Variants in SEMA3C observed in about 807,000 individuals in gnomAD.
SEMA3C encodes the protein semaphorin 3C, also known as semaphorin-3C.
Under a neutral mutation model 89.4 loss-of-function variants are expected in SEMA3C, and 47 were observed. The ratio of observed to expected loss-of-function variants is 0.53; its 90% CI spans 0.42 to 0.67. The LOEUF is 0.67. SEMA3C is among the 30% of genes least tolerant of loss of function. The probability of loss-of-function intolerance (pLI) is 0.00; values close to 1 mark genes in which losing one functional copy is unlikely to be tolerated. For synonymous variants in SEMA3C, 310 were observed against 320.2 expected (o/e 0.97, Z 0.34); for missense variants, 839 against 929.1 (o/e 0.90, Z 1.26).
At chr7:80,882,748 T>G (rs1791376603) in intron 2 of SEMA3C, among the ~76,000 whole-genome samples, 1 of 152,074 alleles carries the variant, frequency 6.6e-6, no homozygotes, top group Non-Finnish European at 1.5e-5. Context: ...ATTCTTTTTC[T>G]TTTCTTTTTG....
intron 2 of SEMA3C, among the ~76,000 whole-genome samples, chr7:80,880,277 T>C (rs930025938): frequency 1.3e-5 from 2 of 152,208 alleles, no homozygotes; most frequent in African/African-American, 4.8e-5. Flanking sequence ...CCACAGTACC[T>C]ATCATTGTTT....
chr7:80,765,128 TGAGATTAATAGAA>T lies in SEMA3C; in HGVS notation c.1443+14_1443+26del, dbSNP rs761646831. 7 of 1,514,278 alleles carry T rather than the reference TGAGATTAATAGAA, an allele frequency of 4.6e-6. No individual in the cohort carries two copies. The highest frequency in any genetic ancestry group is 5.5e-6 in the Non-Finnish European group (6 of 1,094,456). 93.8% of individuals were successfully genotyped at this position (1,514,278 alleles called of 1,614,324 possible). A position where few individuals can be genotyped will look rare whatever the true frequency, so the allele number is the denominator to read the frequency against. On this transcript the variant is annotated intron_variant, in intron 13 of 17. Transcript: ENST00000265361. ...AGAATTCCACTCATCATGCATGTTC[TGAGATTAATAGAA>T]GAGATGTTCAAACCTTAAAGACTTC... is the stretch of plus-strand genomic sequence containing the variant.
chr7:80,824,918 GTA>G (rs1242642793), intron 4 of SEMA3C, among the ~76,000 whole-genome samples: 1 of 152,128 alleles, frequency 6.6e-6, no homozygotes, highest in East Asian at 1.9e-4. Context: ...GAATATCAGT[GTA>G]TATATGTCTC....
chr7:80,902,455 G>A (rs965289859), intron 2 of SEMA3C, among the ~76,000 whole-genome samples: 34 of 152,108 alleles, frequency 2.2e-4, no homozygotes, highest in Admixed American at 5.9e-4. Context: ...ATGTTTATAA[G>A]CAAATGAAAG....
rs1197061617 is a variant in SEMA3C at position 80,743,438 on chromosome 7, G to C, written c.*1456C>G. 6.6e-6 allele frequency: 1 copy of C among 151,616 alleles called. No homozygotes were observed. Among genetic ancestry groups the C allele is most frequent in the East Asian group, 1.9e-4 (1 of 5,186 alleles). 9.4% of individuals were successfully genotyped at this position (151,616 alleles called of 1,614,324 possible). ...ATCTACTTTAATTACCTTCATCATA[G>C]ATTATTAACTATAAATAAAATGTTT... is the stretch of plus-strand genomic sequence containing the variant. On this transcript the variant is annotated 3_prime_UTR_variant, in exon 18 of 18. Transcript: ENST00000265361.
intron 15 of SEMA3C, among the ~76,000 whole-genome samples, chr7:80,753,944 G>C (rs573357548): frequency 6.6e-6 from 1 of 152,020 alleles, no homozygotes; most frequent in Non-Finnish European, 1.5e-5. Context: ...TTGTTTGTTT[G>C]TTTGTTTTTT....
intron 5 of SEMA3C, among the ~76,000 whole-genome samples, chr7:80,811,352 A>G (rs1789464895): frequency 6.6e-6 from 1 of 152,172 alleles, no homozygotes; most frequent in African/African-American, 2.4e-5. Flanking sequence ...AATAATTAAA[A>G]TATGGAAATA....
chr7:80,811,942 CTTG>C (rs1345208169), intron 5 of SEMA3C, among the ~76,000 whole-genome samples: 3 of 152,236 alleles, frequency 2.0e-5, no homozygotes, highest in South Asian at 2.1e-4. Flanking sequence ...TTTCATTGTA[CTTG>C]TTGTCCTTTT....
chr7:80,799,257 C>T (rs1183084438), intron 10 of SEMA3C, among the ~76,000 whole-genome samples: 2 of 151,922 alleles, frequency 1.3e-5, no homozygotes, highest in Non-Finnish European at 2.9e-5. Flanking sequence ...TAGCTCATTG[C>T]AGTTTACAAT....
chr7:80,825,484 A>G (rs1391156800), intron 4 of SEMA3C, among the ~76,000 whole-genome samples: 1 of 152,188 alleles, frequency 6.6e-6, no homozygotes, highest in Non-Finnish European at 1.5e-5. Flanking sequence ...CATGTATTGA[A>G]GATTTTTATC....
chr7:80,749,042 A>G lies in SEMA3C; in HGVS notation c.1712-14T>C. The G allele has an allele frequency of 6.3e-7, 1 of 1,590,100 alleles. No homozygotes were observed. ...CATTTCTGTATGCTAGCAGGCAAAA[A>G]TAAAAGGCGAGAGAGAAAGAAAGAA... On this transcript the variant is annotated splice_polypyrimidine_tract_variant and intron_variant, in intron 16 of 17. Coordinates refer to ENST00000265361, the MANE Select transcript of SEMA3C (RefSeq NM_006379.5).
chr7:80,806,028 C>G (rs899111436), intron 6 of SEMA3C, among the ~76,000 whole-genome samples: 7 of 151,874 alleles, frequency 4.6e-5, no homozygotes, highest in Admixed American at 4.6e-4. Context: ...AGTTCCTCTA[C>G]CTGTACTTAA....
intron 2 of SEMA3C, among the ~76,000 whole-genome samples, chr7:80,832,749 T>C (rs756169275): frequency 2.6e-5 from 4 of 152,158 alleles, no homozygotes; most frequent in Non-Finnish European, 5.9e-5. Context: ...AAAATCTGGA[T>C]CTTTTAAGAA....
intron 12 of SEMA3C, among the ~76,000 whole-genome samples, chr7:80,789,070 T>A (rs1788870873): frequency 6.6e-6 from 1 of 151,946 alleles, no homozygotes; most frequent in African/African-American, 2.4e-5. Context: ...ATATATATAT[T>A]ATATAATGTA....
At chr7:80,805,604 A>G (rs1789320110) in intron 7 of SEMA3C, 35 bp downstream of exon 7, 2 of 1,570,612 alleles carry the variant, frequency 1.3e-6, no homozygotes, top group Middle Eastern at 1.7e-4. Context: ...GTTTAACACG[A>G]TACTAAAAAA....
chr7:80,755,319 C>T (rs1429080025), intron 15 of SEMA3C, among the ~76,000 whole-genome samples: 1 of 150,068 alleles, frequency 6.7e-6, no homozygotes, highest in African/African-American at 2.5e-5. Flanking sequence ...GGTGGGAAAA[C>T]ATGCAAACAA....
chr7:80,870,979 C>T (rs981579030), intron 2 of SEMA3C, among the ~76,000 whole-genome samples: 23 of 152,180 alleles, frequency 1.5e-4, no homozygotes, highest in African/African-American at 5.3e-4. Flanking sequence ...GACCTTAATA[C>T]TGGCCCTCTG....
At chr7:80,854,478 T>C (rs1429650338) in intron 2 of SEMA3C, among the ~76,000 whole-genome samples, 1 of 152,220 alleles carries the variant, frequency 6.6e-6, no homozygotes, top group Non-Finnish European at 1.5e-5. Context: ...AACTCAGTTC[T>C]GGAGCCTCAC....
chr7:80,750,475 C>CTAT (rs1787907479), intron 16 of SEMA3C, among the ~76,000 whole-genome samples: 1 of 49,630 alleles, frequency 2.0e-5, no homozygotes, highest in African/African-American at 8.3e-5. Context: ...TATATATATA[C>CTAT]ACACACACAC....
Sources: gnomAD v4.1 joint callset for allele counts (sites outside exome capture counted in the v4.1 genomes callset) on GRCh38, gnomAD v4.1.1 for gene constraint, MANE v1.5 for transcripts, NCBI Gene and HGNC (gene_info 2026-07-23, HGNC 2026-07-21) for gene names.